UBE3C: variants seen among roughly 807,000 people sequenced by gnomAD.
UBE3C encodes the protein ubiquitin protein ligase E3C.
In UBE3C, 42 loss-of-function variants were observed where a neutral mutation model predicts 129.4. The ratio of observed to expected loss-of-function variants is 0.32; its 90% CI spans 0.25 to 0.42. The LOEUF is 0.42. UBE3C is among the 10% of genes least tolerant of loss of function. The pLI, the probability that UBE3C is intolerant of heterozygous loss-of-function variation, is 1.00. For missense variants in UBE3C, 1,049 were observed against 1,319.1 expected, an observed-to-expected ratio of 0.80 and a Z score of 3.17; for synonymous variants, 510 against 492.4, an observed-to-expected ratio of 1.04 and a Z score of -0.47.
rs138416735 is a variant in UBE3C at position 157,206,159 on chromosome 7, A to G, written c.1419-1239A>G. ...ATAGAAAGAGCTTGCAGGTGAGCCT[A>G]TTAGCTAAAAGTTCCATAAGACAAG... On this transcript the variant is annotated intron_variant, in intron 11 of 22. Transcript: ENST00000348165. Among the ~76,000 whole-genome samples the G allele has an allele frequency of 1.2e-3, 184 of 152,362 alleles. 2 individuals carry two copies. The highest frequency in any genetic ancestry group is 5.8e-3 in the South Asian group (28 of 4,830).
chr7:157,156,209 T>TTA, intron 1 of UBE3C, among the ~76,000 whole-genome samples: 1 of 152,154 alleles, frequency 6.6e-6, no homozygotes, highest in East Asian at 1.9e-4. Flanking sequence ...TGAGAAAATA[T>TTA]TATAAGTACA....
At chr7:157,175,139 T>C in intron 5 of UBE3C, 105 bp downstream of exon 5, 3 of 369,390 alleles carry the variant, frequency 8.1e-6, no homozygotes, top group South Asian at 9.0e-5. Flanking sequence ...TTTCCATACT[T>C]TTTTTTTTTT....
intron 1 of UBE3C, among the ~76,000 whole-genome samples, chr7:157,159,949 C>T (rs1262466243): frequency 6.6e-6 from 1 of 152,170 alleles, no homozygotes; most frequent in African/African-American, 2.4e-5. Flanking sequence ...AACTAAGCAG[C>T]GTAGCGTCTC....
intron 19 of UBE3C, among the ~76,000 whole-genome samples, chr7:157,252,997 G>T (rs1445752942): frequency 2.6e-5 from 4 of 152,124 alleles, no homozygotes; most frequent in Non-Finnish European, 4.4e-5. Flanking sequence ...CTCCCACAGT[G>T]CTGGGATTAG....
chr7:157,184,055 G>A, intron 9 of UBE3C, 26 bp downstream of exon 9: 1 of 1,608,466 alleles, frequency 6.2e-7, no homozygotes. Flanking sequence ...TGCATCTGGG[G>A]GGCTGCGATG....
chr7:157,198,542 TTA>T, intron 10 of UBE3C: 1 of 316,240 alleles, frequency 3.2e-6, no homozygotes, highest in Admixed American at 4.6e-5. Context: ...CTTTTTTTTT[TTA>T]TTTTTTTCGA....
At chr7:157,224,716 CAA>C (rs1236879938) in intron 16 of UBE3C, among the ~76,000 whole-genome samples, 1 of 151,694 alleles carries the variant, frequency 6.6e-6, no homozygotes, top group Non-Finnish European at 1.5e-5. Context: ...GCATGGTGAA[CAA>C]AAGAGTTTCT....
chr7:157,248,256 G>A, intron 18 of UBE3C, 112 bp from the exon 19 acceptor site: 1 of 992,318 alleles, frequency 1.0e-6, no homozygotes, highest in Non-Finnish European at 1.5e-6. Context: ...ACTATGAGGA[G>A]AAAATACCTG....
Position 157,168,907 on chromosome 7 carries a change from A to C in UBE3C, c.121-141A>C, listed in dbSNP as rs1808291151. On this transcript the variant is annotated intron_variant, in intron 2 of 22. Transcript: ENST00000348165. ...CTCTTAATATATTAAATGCATATTT[A>C]GTGGGTGTTACCTTTTAAAGAATGA... The C allele has an allele frequency of 1.1e-5, 7 of 609,414 alleles. No individual in the cohort carries two copies. In the South Asian group the frequency reaches 1.4e-4, roughly 12 times the overall value. The allele number at this position is 609,414 out of a possible 1,614,324, so 37.8% of individuals were successfully genotyped here.
At chr7:157,263,004 TAAAAC>T (rs1796959970) in intron 22 of UBE3C, 2 of 152,264 alleles carry the variant, frequency 1.3e-5, no homozygotes, top group Non-Finnish European at 1.5e-5. Context: ...GTCTTCATAA[TAAAAC>T]AAAAGATGAC....
chr7:157,203,854 T>C (rs955742015), intron 11 of UBE3C, among the ~76,000 whole-genome samples: 1 of 152,212 alleles, frequency 6.6e-6, no homozygotes, highest in Non-Finnish European at 1.5e-5. Flanking sequence ...CCATTGTAAG[T>C]TGAAAATATC....
intron 1 of UBE3C, among the ~76,000 whole-genome samples, chr7:157,146,185 T>C (rs1451850309): frequency 2.0e-5 from 3 of 152,232 alleles, no homozygotes; most frequent in African/African-American, 7.2e-5. Context: ...CCCAACTCCA[T>C]TGAATGCCTG....
chr7:157,187,351 G>A (rs186435697), intron 10 of UBE3C, among the ~76,000 whole-genome samples: 1 of 150,404 alleles, frequency 6.6e-6, no homozygotes, highest in East Asian at 2.0e-4. Flanking sequence ...ATCTTTTTAG[G>A]CTTTTTTCAT....
chr7:157,227,923 G>A (rs1795923834), intron 17 of UBE3C, among the ~76,000 whole-genome samples: 1 of 152,160 alleles, frequency 6.6e-6, no homozygotes, highest in Admixed American at 6.5e-5. Context: ...CTTTATAAAT[G>A]TTCTCAACTC....
intron 1 of UBE3C, among the ~76,000 whole-genome samples, chr7:157,154,392 C>T (rs574719427): frequency 6.6e-6 from 1 of 152,232 alleles, no homozygotes; most frequent in African/African-American, 2.4e-5. Context: ...CCCCTAACTT[C>T]CCACCATTAT....
Position 157,174,924 on chromosome 7 carries a change from G to T in UBE3C, c.348G>T (p.Trp116Cys), listed in dbSNP as rs752238975. 8 of 1,605,780 alleles carry T rather than the reference G, an allele frequency of 5.0e-6. No homozygotes were observed. In the Admixed American group the frequency reaches 8.5e-5, roughly 17 times the overall value. ...KQNEDSKRLI[W>C]LYQNLIKHSS... ...TTTATGTTTTGCTGTTTCAGATATG[G>T]CTGTATCAGAACTTAATTAAACACA... The change falls in exon 5 of 23, where the codon TGG (tryptophan) becomes TGT (cysteine). Residue 116 changes from tryptophan (W) to cysteine (C), a missense_variant. By Grantham distance (215) the Trp-to-Cys change is radical. Around this residue, in one of 4 missense-constraint regions of UBE3C, gnomAD observed 489 missense variants for 513.8 expected, o/e 0.95. Coordinates refer to ENST00000348165, the MANE Select transcript of UBE3C (RefSeq NM_014671.3).
At chr7:157,260,883 C>T (rs1796884914) in intron 22 of UBE3C, among the ~76,000 whole-genome samples, 1 of 152,194 alleles carries the variant, frequency 6.6e-6, no homozygotes, top group Admixed American at 6.5e-5. Context: ...ATAACGTGTG[C>T]CTAGGAGTGC....
At chr7:157,164,250 C>G (rs1279166266) in intron 2 of UBE3C, among the ~76,000 whole-genome samples, 1 of 152,040 alleles carries the variant, frequency 6.6e-6, no homozygotes, top group African/African-American at 2.4e-5. Flanking sequence ...GCCTTGACCT[C>G]CTGGGCTCGG....
At chr7:157,192,546 A>G (rs1808998526) in intron 10 of UBE3C, 1 of 764,650 alleles carries the variant, frequency 1.3e-6, no homozygotes, top group Non-Finnish European at 2.4e-6. Flanking sequence ...TGACTACAAC[A>G]TTCAAAAGGA....
Sources: allele counts gnomAD v4.1 joint callset (sites outside exome capture counted in the v4.1 genomes callset), GRCh38; gene constraint gnomAD v4.1.1; regional missense constraint gnomAD v4.1.1; transcripts MANE v1.5; gene names NCBI Gene and HGNC (gene_info 2026-07-23, HGNC 2026-07-21).